IL34: variants seen among roughly 807,000 people sequenced by gnomAD.
IL34 encodes interleukin-34.
A neutral mutation model predicts 25.3 loss-of-function variants in IL34; 17 were observed. The observed-to-expected ratio is 0.67, with a 90% CI of 0.46 to 1.01. IL34 has a LOEUF of 1.01. Among genes scored for constraint, IL34 ranks in the 50% least tolerant of loss-of-function variants. The pLI, the probability that IL34 is intolerant of heterozygous loss-of-function variation, is 0.00. For missense variants in IL34, 368 were observed against 312.9 expected (o/e 1.18, Z -1.33); for synonymous variants, 174 against 140.9 (o/e 1.23, Z -1.66).
intron 1 of IL34, among the ~76,000 whole-genome samples, chr16:70,651,208 G>A (rs1356617302): frequency 6.6e-6 from 1 of 152,084 alleles, no homozygotes; most frequent in Non-Finnish European, 1.5e-5. Context: ...TCTCTGGGAG[G>A]CTTTGAAAGA....
intron 1 of IL34, among the ~76,000 whole-genome samples, chr16:70,650,657 G>T (rs915584306): frequency 1.3e-5 from 2 of 152,210 alleles, no homozygotes; most frequent in African/African-American, 2.4e-5. Context: ...GACCAGAGGT[G>T]GCTCTCGGGA....
At chr16:70,638,012 C>T (rs942036858) in intron 1 of IL34, among the ~76,000 whole-genome samples, 1 of 152,054 alleles carries the variant, frequency 6.6e-6, no homozygotes, top group Non-Finnish European at 1.5e-5. Context: ...ATGGATATCC[C>T]AGGCATTCAG....
intron 1 of IL34, among the ~76,000 whole-genome samples, chr16:70,608,067 C>T (rs551555852): frequency 1.5e-4 from 22 of 148,944 alleles, no homozygotes; most frequent in African/African-American, 5.4e-4. Flanking sequence ...CTTGCCCGGC[C>T]GGTTTTTCTT....
intron 1 of IL34, among the ~76,000 whole-genome samples, chr16:70,640,638 AAAAAGTT>A (rs1279533487): frequency 6.6e-6 from 1 of 151,628 alleles, no homozygotes; most frequent in Non-Finnish European, 1.5e-5. Flanking sequence ...AAAAAAAAAA[AAAAAGTT>A]AGTTTTTAAA....
At chr16:70,636,792 A>AAAAAC (rs1157841624) in intron 1 of IL34, among the ~76,000 whole-genome samples, 2 of 150,590 alleles carry the variant, frequency 1.3e-5, no homozygotes, top group South Asian at 2.1e-4. Context: ...AAACAAAACA[A>AAAAAC]AAAACAAAAC....
At chr16:70,609,729 C>T (rs1346371624) in intron 1 of IL34, among the ~76,000 whole-genome samples, 1 of 152,116 alleles carries the variant, frequency 6.6e-6, no homozygotes, top group Non-Finnish European at 1.5e-5. Context: ...TTTCAATTTG[C>T]AGAGGCCTGT....
intron 1 of IL34, among the ~76,000 whole-genome samples, chr16:70,611,342 T>C (rs913652218): frequency 1.3e-5 from 2 of 152,094 alleles, no homozygotes. Context: ...GGCTGCCAGG[T>C]ACGGCAGATT....
At chr16:70,623,371 T>C (rs12932251) in intron 1 of IL34, among the ~76,000 whole-genome samples, 62,325 of 151,900 alleles carry the variant, frequency 0.41, 13,630 homozygotes, top group East Asian at 0.63. Context: ...CAAAACAATT[T>C]GGTTGATAAG....
upstream of IL34, among the ~76,000 whole-genome samples, chr16:70,645,462 G>A (rs957072588): frequency 5.3e-5 from 8 of 152,172 alleles, no homozygotes; most frequent in Admixed American, 5.2e-4. Flanking sequence ...CGAGGGGATG[G>A]AAGAGAACTA....
At chr16:70,592,074 C>T (rs1400932930) in intron 1 of IL34, among the ~76,000 whole-genome samples, 1 of 127,848 alleles carries the variant, frequency 7.8e-6, no homozygotes, top group African/African-American at 2.9e-5. Context: ...AGGTGGTGGT[C>T]CTTCTACTCC....
intron 1 of IL34, among the ~76,000 whole-genome samples, chr16:70,605,772 G>A (rs1043488686): frequency 3.5e-4 from 53 of 152,002 alleles, no homozygotes; most frequent in African/African-American, 1.3e-3. Flanking sequence ...CCGGGTTCAA[G>A]CGATTTTCCT....
intron 1 of IL34, among the ~76,000 whole-genome samples, chr16:70,602,390 G>A (rs1367560530): frequency 3.3e-5 from 5 of 152,066 alleles, no homozygotes; most frequent in Admixed American, 2.0e-4. Context: ...AGGGTGAGCC[G>A]GGAACAGTGG....
At chr16:70,635,236 C>T (rs1226463693) in intron 1 of IL34, among the ~76,000 whole-genome samples, 2 of 152,146 alleles carry the variant, frequency 1.3e-5, no homozygotes, top group Non-Finnish European at 2.9e-5. Context: ...TACCATGCAT[C>T]CTGAGAACTC....
chr16:70,625,048 A>G (rs1448098663), intron 1 of IL34, among the ~76,000 whole-genome samples: 3 of 152,058 alleles, frequency 2.0e-5, no homozygotes, highest in African/African-American at 7.2e-5. Flanking sequence ...AATTATTTAG[A>G]TTTTGCAGGA....
chr16:70,647,588 C>T (rs11865804), intron 1 of IL34, among the ~76,000 whole-genome samples: 54,768 of 152,160 alleles, frequency 0.36, 10,093 homozygotes, highest in South Asian at 0.47. Context: ...TCTCCAAGAT[C>T]CAGTTCAATT....
In IL34 at chr16:70,632,034, C is replaced by T. The variant is rs544662239; in HGVS notation, c.-400-14514C>T. Among the ~76,000 whole-genome samples the T allele has an allele frequency of 1.9e-4, 28 of 148,776 alleles. 1 individual carries two copies. The South Asian group carries it at 5.3e-3, about 28-fold the overall frequency. ...GAGGATTACCTGAGCCTGGGGAGGT[C>T]AAGGCTGCAGTGAGTGGAGATCGTG... On this transcript the variant is annotated intron_variant, in intron 1 of 6. Coordinates refer to the IL34 transcript ENST00000429149.
rs938488580 is a variant in IL34 at position 70,654,633 on chromosome 16, C to T, written c.124C>T (p.Arg42Trp). 17 of 1,612,782 alleles carry T rather than the reference C, an allele frequency of 1.1e-5. No individual in the cohort carries two copies. Among genetic ancestry groups the T allele is most frequent in the African/African-American group, 2.7e-5 (2 of 75,014 alleles). The change falls in exon 2 of 6, where the codon CGG becomes TGG. Residue 42 changes from arginine (R) to tryptophan (W), a missense_variant. Transcript: ENST00000288098. The part of the protein sequence containing the change: ...NEECTVTGFL[R>W]DKLQYRSRLQ... ...GGAGTGCACTGTCACGGGTTTTCTG[C>T]GGGACAAGCTGCAGTACAGGAGCCG...
At chr16:70,633,276 C>T (rs2051560801) in intron 1 of IL34, among the ~76,000 whole-genome samples, 1 of 150,606 alleles carries the variant, frequency 6.6e-6, no homozygotes, top group Non-Finnish European at 1.5e-5. Flanking sequence ...TCTTTTAAGA[C>T]AGGGTCTCAC....
At chr16:70,591,870 G>GGGCTGGGGCCA (rs1441955839) in intron 1 of IL34, among the ~76,000 whole-genome samples, 1 of 152,220 alleles carries the variant, frequency 6.6e-6, no homozygotes, top group African/African-American at 2.4e-5. Context: ...TGCTGGGGCT[G>GGGCTGGGGCCA]GGCTGGGGCC....
Sources: gnomAD v4.1 joint callset for allele counts (sites outside exome capture counted in the v4.1 genomes callset) on GRCh38, gnomAD v4.1.1 for gene constraint, MANE v1.5 for transcripts, NCBI Gene and HGNC (gene_info 2026-07-23, HGNC 2026-07-21) for gene names.